The following DNM2 variants were observed in gnomAD, a reference collection of about 807,000 sequenced individuals.
DNM2 encodes dynamin-2.
A neutral mutation model predicts 99.0 loss-of-function variants in DNM2; 15 were observed. That is an observed-to-expected ratio of 0.15 (90% CI 0.10 to 0.23). The LOEUF (loss-of-function observed/expected upper bound fraction) is 0.23, where lower values mean the gene tolerates loss of function less well. Among genes scored for constraint, DNM2 ranks in the 10% least tolerant of loss-of-function variants. DNM2 has a pLI of 1.00. For synonymous variants in DNM2, 525 were observed against 481.2 expected (o/e 1.09, Z -1.19); for missense variants, 742 against 1,189.4 (o/e 0.62, Z 5.53).
At chr19:10,766,016 G>A (rs552216096) in intron 2 of DNM2, among the ~76,000 whole-genome samples, 69 of 152,262 alleles carry the variant, frequency 4.5e-4, no homozygotes, top group African/African-American at 1.7e-3. Context: ...TGGGAGCCCC[G>A]GCACTGGGTT....
chr19:10,823,419 A>T (rs201936886), intron 16 of DNM2: 5,503 of 151,646 alleles, frequency 0.036, 352 homozygotes, highest in East Asian at 0.32. Context: ...AAAAAAAAAT[A>T]AATAATAATA....
At chr19:10,748,184 G>C (rs148491926) in intron 1 of DNM2, among the ~76,000 whole-genome samples, 30 of 152,308 alleles carry the variant, frequency 2.0e-4, no homozygotes, top group Non-Finnish European at 3.7e-4. Context: ...CAGTGACATG[G>C]TGTGCACAGG....
chr19:10,736,780 T>TGTTAAAGTA (rs2069544127), intron 1 of DNM2, among the ~76,000 whole-genome samples: 1 of 152,160 alleles, frequency 6.6e-6, no homozygotes, highest in Admixed American at 6.6e-5. Flanking sequence ...TTCTGCCTCC[T>TGTTAAAGTA]CAGTCTTGCA....
In DNM2 at chr19:10,718,199, C is replaced by G. The variant is rs1458713920; in HGVS notation, c.-44C>G. ...GGGCCAGGTCGTTGAGGGTCGGCGG[C>G]GGGCGAGGAGCGCAGGGCGCTCGGG... On this transcript the variant is annotated 5_prime_UTR_variant, in exon 1 of 21. Transcript: ENST00000389253. 2 of 1,398,100 alleles carry G rather than the reference C, an allele frequency of 1.4e-6. No homozygotes were observed. The highest frequency in any genetic ancestry group is 1.5e-5 in the African/African-American group (1 of 66,268). 86.6% of individuals were successfully genotyped at this position (1,398,100 alleles called of 1,614,324 possible).
At chr19:10,828,946 C>T (rs934467778) in intron 18 of DNM2, 90 bp from the exon 19 acceptor site, 23 of 1,382,246 alleles carry the variant, frequency 1.7e-5, no homozygotes, top group African/African-American at 1.4e-4. Flanking sequence ...GGGGTGGCCC[C>T]GCCCTGTGAG....
intron 18 of DNM2, among the ~76,000 whole-genome samples, 176 bp downstream of exon 18, chr19:10,825,397 G>A (rs1009470555): frequency 6.6e-6 from 1 of 152,062 alleles, no homozygotes; most frequent in African/African-American, 2.4e-5. Context: ...TAGGCTGGGC[G>A]CGGTGGCTCA....
intron 18 of DNM2, among the ~76,000 whole-genome samples, chr19:10,826,718 C>G (rs2073153796): frequency 6.6e-6 from 1 of 151,832 alleles, no homozygotes; most frequent in Non-Finnish European, 1.5e-5. Flanking sequence ...ATACCCCAGT[C>G]TCTACAAAAA....
intron 16 of DNM2, 196 bp from the exon 17 acceptor site, chr19:10,823,592 C>A: frequency 1.7e-6 from 1 of 586,318 alleles, no homozygotes; most frequent in South Asian, 2.0e-5. Flanking sequence ...GAAACTCAGA[C>A]ACTTGCCGAG....
intron 7 of DNM2, among the ~76,000 whole-genome samples, chr19:10,792,438 A>G (rs1285272601): frequency 6.6e-6 from 1 of 152,208 alleles, no homozygotes; most frequent in Non-Finnish European, 1.5e-5. Context: ...TGCTTAGGAA[A>G]ACTAAAACGT....
chr19:10,825,232 A>G lies in DNM2; in HGVS notation c.2058+11A>G, dbSNP rs769358241. On this transcript the variant is annotated intron_variant, in intron 18 of 20. Coordinates refer to ENST00000389253, the MANE Select transcript of DNM2 (RefSeq NM_001005361.3). ...CTCATGATCAACAATGTGAGTGGAG[A>G]ACTAAAAATGAGAAGGAGGTAGCTG... The G allele has an allele frequency of 6.2e-7, 1 of 1,613,768 alleles. No individual in the cohort carries two copies. Among genetic ancestry groups the G allele is most frequent in the East Asian group, 2.2e-5 (1 of 44,858 alleles).
At chr19:10,728,680 G>T (rs970797342) in intron 1 of DNM2, among the ~76,000 whole-genome samples, 15 of 152,288 alleles carry the variant, frequency 9.8e-5, no homozygotes, top group Admixed American at 9.2e-4. Context: ...AGGCACAGGG[G>T]CTCACACCTG....
chr19:10,736,225 A>G (rs903764577), intron 1 of DNM2, among the ~76,000 whole-genome samples: 1 of 150,356 alleles, frequency 6.7e-6, no homozygotes, highest in East Asian at 2.0e-4. Flanking sequence ...AGATCGCGCT[A>G]TTGCACTCCA....
chr19:10,812,307 T>G lies in DNM2; in HGVS notation c.1601T>G (p.Met534Arg). 1 of 1,610,764 alleles carries G rather than the reference T, an allele frequency of 6.2e-7. No individual in the cohort carries two copies. The highest frequency in any genetic ancestry group is 8.5e-7 in the Non-Finnish European group (1 of 1,178,274). The change falls in exon 15 of 21, where the codon ATG becomes AGG. Residue 534 changes from methionine (M) to arginine (R), a missense_variant. By Grantham distance (91) the Met-to-Arg change is moderately conservative (BLOSUM62 -1). Transcript: ENST00000389253. This position sits in a 1 kb window ranked among gnomAD's most constrained non-coding sequence, Gnocchi z 4.0. ...GWLTINNISL[M>R]KGGSKEYWFV... is the part of the protein sequence containing the mutation. The stretch of plus-strand genomic sequence containing the variant: ...CTGACCATCAACAACATCAGCCTGA[T>G]GAAAGGCGGCTCCAAGGAGTACTGG...
Position 10,796,335 on chromosome 19 carries a change from C to T in DNM2, c.1196+896C>T, listed in dbSNP as rs944194685. ...TATCGCTTTGTGTCCGTGAACTTGG[C>T]CTCTCCCCAGAGGCTGGGGCAGGAG... On this transcript the variant is annotated intron_variant, in intron 9 of 20. Coordinates refer to ENST00000389253, the MANE Select transcript of DNM2 (RefSeq NM_001005361.3). This position sits in a 1 kb window ranked among gnomAD's most constrained non-coding sequence, Gnocchi z 5.6. 4 of 1,372,580 alleles carry T rather than the reference C, an allele frequency of 2.9e-6. No homozygotes were observed. Among genetic ancestry groups the T allele is most frequent in the Non-Finnish European group, 4.1e-6 (4 of 981,458 alleles). The allele number at this position is 1,372,580 out of a possible 1,614,324, so 85.0% of individuals were successfully genotyped here. A position where few individuals can be genotyped will look rare whatever the true frequency, so the allele number is the denominator to read the frequency against.
At chr19:10,730,649 C>T (rs2069281271) in intron 1 of DNM2, among the ~76,000 whole-genome samples, 1 of 152,058 alleles carries the variant, frequency 6.6e-6, no homozygotes. Flanking sequence ...TGGAGATTTG[C>T]TCCATCTATA....
chr19:10,777,351 C>CT, intron 5 of DNM2, 135 bp downstream of exon 5: 1 of 838,984 alleles, frequency 1.2e-6, no homozygotes. Flanking sequence ...TTTCTTTTCC[C>CT]TTTGAGCTAT....
intron 6 of DNM2, among the ~76,000 whole-genome samples, chr19:10,784,577 A>T (rs2071488816): frequency 6.6e-6 from 1 of 151,952 alleles, no homozygotes; most frequent in African/African-American, 2.4e-5. Flanking sequence ...CTTCCTCTCC[A>T]TTTGCTCATG....
chr19:10,734,188 C>G (rs968865861), intron 1 of DNM2, among the ~76,000 whole-genome samples: 2 of 150,390 alleles, frequency 1.3e-5, no homozygotes, highest in Non-Finnish European at 3.0e-5. Flanking sequence ...AACCCTGTCT[C>G]TACAAAAAAT....
intron 1 of DNM2, among the ~76,000 whole-genome samples, chr19:10,729,553 A>G (rs2069238604): frequency 6.6e-6 from 1 of 152,096 alleles, no homozygotes; most frequent in Admixed American, 6.6e-5. Context: ...GAGGCCTCGC[A>G]CACACCCGGC....
Sources: gnomAD v4.1 joint callset for allele counts (sites outside exome capture counted in the v4.1 genomes callset) on GRCh38, gnomAD v4.1.1 for gene constraint, Gnocchi (gnomAD v3.1) non-coding constraint, MANE v1.5 for transcripts, NCBI Gene and HGNC (gene_info 2026-07-23, HGNC 2026-07-21) for gene names.